The following ARHGAP26 variants were observed in gnomAD, a reference collection of about 807,000 sequenced individuals.
ARHGAP26 encodes the protein rho GTPase-activating protein 26.
ARHGAP26 carries 38 observed loss-of-function variants against 104.8 expected under a neutral mutation model. The observed-to-expected ratio is 0.36, with a 90% CI of 0.28 to 0.48. The LOEUF (loss-of-function observed/expected upper bound fraction) is 0.48. Ranked by LOEUF, ARHGAP26 falls within the 20% of genes least tolerant of loss-of-function variation. The pLI, the probability that ARHGAP26 is intolerant of heterozygous loss-of-function variation, is 0.99. For synonymous variants in ARHGAP26, 341 were observed against 340.0 expected, an observed-to-expected ratio of 1.00 and a Z score of -0.03; for missense variants, 704 against 947.9, an observed-to-expected ratio of 0.74 and a Z score of 3.38.
chr5:142,895,148 G>T (rs1406132821), intron 6 of ARHGAP26, among the ~76,000 whole-genome samples: 1 of 152,192 alleles, frequency 6.6e-6, no homozygotes, highest in Non-Finnish European at 1.5e-5. Context: ...CAGCCAAAAT[G>T]CAGCCTCTGA....
At chr5:143,071,891 C>T (rs1189026371) in intron 17 of ARHGAP26, among the ~76,000 whole-genome samples, 5 of 152,014 alleles carry the variant, frequency 3.3e-5, no homozygotes, top group African/African-American at 7.3e-5. Flanking sequence ...GGCAACAGAA[C>T]GAGACTCCAT....
At chr5:142,787,834 T>C (rs1234158581) in intron 1 of ARHGAP26, among the ~76,000 whole-genome samples, 1 of 152,172 alleles carries the variant, frequency 6.6e-6, no homozygotes, top group East Asian at 1.9e-4. Flanking sequence ...TTTTCAACAG[T>C]TCATGATCAT....
At chr5:142,932,535 T>A (rs1764875210) in intron 11 of ARHGAP26, among the ~76,000 whole-genome samples, 1 of 152,332 alleles carries the variant, frequency 6.6e-6, no homozygotes, top group Non-Finnish European at 1.5e-5. Context: ...AATCTTGTAG[T>A]TGTTCTGCAT....
At chr5:143,197,063 C>T (rs1806966085) in intron 20 of ARHGAP26, among the ~76,000 whole-genome samples, 1 of 152,180 alleles carries the variant, frequency 6.6e-6, no homozygotes. Context: ...AGTTCATTTT[C>T]ATTGCTGTAG....
chr5:142,820,658 G>T (rs1272951785), intron 1 of ARHGAP26, among the ~76,000 whole-genome samples: 1 of 152,164 alleles, frequency 6.6e-6, no homozygotes, highest in Non-Finnish European at 1.5e-5. Flanking sequence ...CCCTAGACAT[G>T]CAGAGCAGCA....
At chr5:143,041,749 T>A (rs1015812962) in intron 13 of ARHGAP26, 67 bp from the exon 14 acceptor site, 3 of 1,192,568 alleles carry the variant, frequency 2.5e-6, no homozygotes, top group African/African-American at 1.6e-5. Flanking sequence ...AAAGTGCATT[T>A]GGCTGGATTG....
intron 17 of ARHGAP26, among the ~76,000 whole-genome samples, chr5:143,097,169 T>C (rs1792457059): frequency 6.6e-6 from 1 of 151,642 alleles, no homozygotes; most frequent in Non-Finnish European, 1.5e-5. Flanking sequence ...CGAAACCCCG[T>C]CTCTACTAAA....
chr5:143,198,416 C>T (rs771362678), intron 20 of ARHGAP26, among the ~76,000 whole-genome samples: 20 of 152,166 alleles, frequency 1.3e-4, no homozygotes, highest in Admixed American at 2.6e-4. Context: ...GCCTGAAATG[C>T]GGTATTGGAA....
At chr5:142,912,337 T>C (rs1389309508) in intron 9 of ARHGAP26, among the ~76,000 whole-genome samples, 2 of 152,228 alleles carry the variant, frequency 1.3e-5, no homozygotes, top group East Asian at 1.9e-4. Flanking sequence ...GTTCCATTTA[T>C]ATAAAATTAT....
At chr5:142,979,688 G>A (rs1598465536) in intron 11 of ARHGAP26, among the ~76,000 whole-genome samples, 1 of 152,258 alleles carries the variant, frequency 6.6e-6, no homozygotes, top group African/African-American at 2.4e-5. Flanking sequence ...TGTTCTGGCT[G>A]TATTGTTTGC....
intron 19 of ARHGAP26, among the ~76,000 whole-genome samples, chr5:143,137,588 C>T (rs1179212577): frequency 1.3e-5 from 2 of 152,240 alleles, no homozygotes; most frequent in African/African-American, 2.4e-5. Context: ...ACTTGCCCTG[C>T]GATCATTTTC....
Position 143,073,244 on chromosome 5 carries a change from G to T in ARHGAP26, c.1538+15497G>T, listed in dbSNP as rs10076583. ...CCTCATTTTTTAAAAAAGTTTAAAG[G>T]TAAGTTCCAAAGCAAAAATTGTAAG... On this transcript the variant is annotated intron_variant, in intron 17 of 22. Coordinates refer to ENST00000645722, the MANE Select transcript of ARHGAP26 (RefSeq NM_001135608.3). 3.3e-5 allele frequency among the ~76,000 whole-genome samples: 5 copies of T among 152,220 alleles called. No homozygotes were observed. In the East Asian group the frequency reaches 7.7e-4, roughly 23 times the overall value.
chr5:143,149,129 C>T (rs951603718), intron 20 of ARHGAP26, among the ~76,000 whole-genome samples: 7 of 152,080 alleles, frequency 4.6e-5, no homozygotes, highest in East Asian at 1.9e-4. Context: ...TCCTGGGAAT[C>T]GCTCTGCCCA....
In ARHGAP26 at chr5:143,116,527, T is replaced by C. The variant is rs528243793; in HGVS notation, c.1539-4461T>C. 1.5e-4 allele frequency among the ~76,000 whole-genome samples: 23 copies of C among 152,348 alleles called. No homozygotes were observed. In the South Asian group the frequency reaches 4.6e-3, roughly 30 times the overall value. On this transcript the variant is annotated intron_variant, in intron 17 of 22. Coordinates refer to ENST00000645722, the MANE Select transcript of ARHGAP26 (RefSeq NM_001135608.3). ...GTTTTAAAGTACTGCTTAGCACTTA[T>C]AGAGCTCTGGCTCTCATTTAAACTC...
At chr5:143,114,316 G>A (rs573903160) in intron 17 of ARHGAP26, among the ~76,000 whole-genome samples, 160 of 152,270 alleles carry the variant, frequency 1.1e-3, no homozygotes, top group African/African-American at 3.3e-3. Flanking sequence ...CTCGACAGAG[G>A]CCTCCTCAGC....
intron 17 of ARHGAP26, among the ~76,000 whole-genome samples, chr5:143,120,013 G>C (rs1795953237): frequency 6.6e-6 from 1 of 152,146 alleles, no homozygotes; most frequent in Non-Finnish European, 1.5e-5. Flanking sequence ...TGTGCAAACT[G>C]CCTATCTCTA....
chr5:143,076,314 T>G (rs1789017574), intron 17 of ARHGAP26, among the ~76,000 whole-genome samples: 1 of 152,104 alleles, frequency 6.6e-6, no homozygotes, highest in African/African-American at 2.4e-5. Flanking sequence ...GTCATCTCTG[T>G]CAGCCCCTGA....
At chr5:143,046,077 T>C (rs1406439801) in intron 14 of ARHGAP26, among the ~76,000 whole-genome samples, 1 of 152,046 alleles carries the variant, frequency 6.6e-6, no homozygotes, top group Non-Finnish European at 1.5e-5. Context: ...GAGGTTGCAG[T>C]GAGCCAGGAC....
chr5:142,969,465 A>G (rs917268585), intron 11 of ARHGAP26: 1 of 152,058 alleles, frequency 6.6e-6, no homozygotes, highest in African/African-American at 2.4e-5. Context: ...TTGGGAAATT[A>G]TTTCCTCCTA....
Sources: gnomAD v4.1 joint callset for allele counts (sites outside exome capture counted in the v4.1 genomes callset) on GRCh38, gnomAD v4.1.1 for gene constraint, MANE v1.5 for transcripts, NCBI Gene and HGNC (gene_info 2026-07-23, HGNC 2026-07-21) for gene names.